The following LCOR variants were observed in gnomAD, a reference collection of about 807,000 sequenced individuals.
LCOR encodes the protein ligand-dependent corepressor.
A neutral mutation model predicts 64.4 loss-of-function variants in LCOR; 14 were observed. The observed-to-expected ratio is 0.22, with a 90% CI of 0.14 to 0.34. The LOEUF is 0.34. LCOR is among the 10% of genes least tolerant of loss of function. The pLI is 1.00. For synonymous variants in LCOR, 643 were observed against 642.5 expected, an observed-to-expected ratio of 1.00 and a Z score of -0.01; for missense variants, 1,686 against 1,765.3, an observed-to-expected ratio of 0.96 and a Z score of 0.80.
At chr10:96,840,540 A>G (rs899596445) in intron 2 of LCOR, among the ~76,000 whole-genome samples, 3 of 152,204 alleles carry the variant, frequency 2.0e-5, no homozygotes, top group African/African-American at 4.8e-5. Flanking sequence ...TAACGTTTCA[A>G]ATTTGGTATT....
At chr10:96,897,880 T>A (rs1248655725) in intron 2 of LCOR, among the ~76,000 whole-genome samples, 3 of 151,428 alleles carry the variant, frequency 2.0e-5, no homozygotes, top group African/African-American at 7.3e-5. Context: ...TTTTTTTTTT[T>A]TTTTTTGTTT....
intron 7 of LCOR, among the ~76,000 whole-genome samples, chr10:96,964,609 G>C (rs1229953877): frequency 3.9e-5 from 6 of 152,024 alleles, no homozygotes; most frequent in Non-Finnish European, 5.9e-5. Flanking sequence ...GCTGCTGTGA[G>C]ATTCTGCTTT....
chr10:96,880,256 C>CT (rs1846240284), intron 2 of LCOR, among the ~76,000 whole-genome samples: 1 of 152,170 alleles, frequency 6.6e-6, no homozygotes, highest in African/African-American at 2.4e-5. Flanking sequence ...AATAATGTAA[C>CT]TTTGCAAAGT....
intron 7 of LCOR, chr10:96,956,877 T>A: frequency 1.0e-6 from 1 of 984,050 alleles, no homozygotes; most frequent in Non-Finnish European, 1.2e-6. Flanking sequence ...GCAACTAGAC[T>A]AAGATATTCA....
chr10:96,985,058 C>T lies in LCOR; in HGVS notation c.4598C>T (p.Ala1533Val), dbSNP rs1848136800. The T allele has an allele frequency of 3.1e-6, 5 of 1,614,008 alleles. No individual in the cohort carries two copies. The highest frequency in any genetic ancestry group is 4.2e-6 in the Non-Finnish European group (5 of 1,180,024). Reference protein sequence around the residue: ...RPSTKTPESSAAQRKRKLKAK... With the variant: ...RPSTKTPESSVAQRKRKLKAK... ...TCAACGAAAACCCCAGAGAGCAGTGCAGCTCAGAGAAAGCGAAAGCTGAAG... is the reference window on the plus strand; with the variant it reads ...TCAACGAAAACCCCAGAGAGCAGTGTAGCTCAGAGAAAGCGAAAGCTGAAG... Residue 1533 changes from alanine to valine, a missense_variant, in exon 8 of 8, where the codon GCA becomes GTA. This residue lies in a region of LCOR where 1,293 missense variants were observed against 1,410.4 expected (regional missense o/e 0.92). Coordinates refer to ENST00000421806, the MANE Select transcript of LCOR (RefSeq NM_001346516.2).
At chr10:96,965,844 A>G (rs1021902216) in intron 7 of LCOR, among the ~76,000 whole-genome samples, 1 of 152,054 alleles carries the variant, frequency 6.6e-6, no homozygotes, top group Non-Finnish European at 1.5e-5. Flanking sequence ...TTTTGCTGTA[A>G]GTTCCAAAGC....
chr10:96,886,702 G>C (rs1322874399), intron 2 of LCOR, among the ~76,000 whole-genome samples: 1 of 152,112 alleles, frequency 6.6e-6, no homozygotes, highest in African/African-American at 2.4e-5. Context: ...GATTTTACTG[G>C]ATTGTTTGTC....
chr10:96,836,407 G>C (rs1845442300), intron 2 of LCOR, among the ~76,000 whole-genome samples: 1 of 152,060 alleles, frequency 6.6e-6, no homozygotes, highest in African/African-American at 2.4e-5. Context: ...CAGAGTACCT[G>C]CCTGATCATT....
chr10:96,963,365 T>G (rs978502839), intron 7 of LCOR: 24 of 152,238 alleles, frequency 1.6e-4, no homozygotes, highest in African/African-American at 5.8e-4. Context: ...TGTTAACAGA[T>G]GCAGTTCCTT....
At chr10:96,906,760 G>T (rs1846736266) in intron 2 of LCOR, among the ~76,000 whole-genome samples, 1 of 152,176 alleles carries the variant, frequency 6.6e-6, no homozygotes, top group Non-Finnish European at 1.5e-5. Flanking sequence ...TAAAAGTCTT[G>T]TACCTTCTTT....
At chr10:96,956,436 TAAG>T (rs1384852207) in intron 7 of LCOR, 35 of 985,012 alleles carry the variant, frequency 3.6e-5, no homozygotes, top group Admixed American at 6.1e-5. Context: ...AAGAAAAAAC[TAAG>T]AAGAACAATG....
intron 2 of LCOR, among the ~76,000 whole-genome samples, chr10:96,845,720 G>C (rs554051322): frequency 4.6e-4 from 69 of 151,348 alleles, no homozygotes; most frequent in African/African-American, 1.4e-3. Flanking sequence ...ACCCGCCTCG[G>C]CCTCCCAAAG....
intron 2 of LCOR, among the ~76,000 whole-genome samples, chr10:96,873,086 T>C (rs895610353): frequency 6.6e-6 from 1 of 152,150 alleles, no homozygotes; most frequent in Non-Finnish European, 1.5e-5. Context: ...GATGGATGGT[T>C]GGAAGGATAG....
chr10:96,979,200 A>T (rs1848061906), intron 7 of LCOR, among the ~76,000 whole-genome samples: 1 of 152,212 alleles, frequency 6.6e-6, no homozygotes, highest in Non-Finnish European at 1.5e-5. Context: ...TAGCCAGAAG[A>T]TATTATCAAA....
At chr10:96,945,760 T>C (rs1259804823) in intron 5 of LCOR, among the ~76,000 whole-genome samples, 4 of 152,048 alleles carry the variant, frequency 2.6e-5, no homozygotes, top group Non-Finnish European at 5.9e-5. Context: ...GAGGACTTCC[T>C]CTCCCTAATT....
intron 4 of LCOR, among the ~76,000 whole-genome samples, chr10:96,920,782 ACACACACACG>A (rs1456073350): frequency 5.5e-4 from 63 of 113,732 alleles, no homozygotes; most frequent in East Asian, 2.7e-3. Context: ...ACACACACAC[ACACACACACG>A]CGCGGTGGGG....
At chr10:96,959,004 C>A (rs1230779476) in intron 7 of LCOR, 1 of 147,836 alleles carries the variant, frequency 6.8e-6, no homozygotes, top group Non-Finnish European at 1.5e-5. Context: ...TTGTAATATT[C>A]AGGTGCACTT....
At chr10:96,950,286 A>G (rs990115723) in intron 6 of LCOR, among the ~76,000 whole-genome samples, 9 of 152,124 alleles carry the variant, frequency 5.9e-5, no homozygotes, top group Non-Finnish European at 8.8e-5. Flanking sequence ...CTTTGCTTTT[A>G]TCCTTTTCCT....
Position 96,837,056 on chromosome 10 carries a change from A to G in LCOR, c.-330+3577A>G, listed in dbSNP as rs148069614. Reference sequence around the variant, plus strand: ...GCCTAGGCTGGAGTGCAGTGGCACCATTTCAGCTCACTGCAAGTTCCGCCT... The same window carrying G: ...GCCTAGGCTGGAGTGCAGTGGCACCGTTTCAGCTCACTGCAAGTTCCGCCT... On this transcript the variant is annotated intron_variant, in intron 2 of 7. Transcript: ENST00000421806. Among the ~76,000 whole-genome samples the G allele has an allele frequency of 9.1e-3, 1,361 of 149,580 alleles. 26 individuals are homozygous for G. The highest frequency in any genetic ancestry group is 0.032 in the African/African-American group (1,286 of 40,350).
Sources: allele counts gnomAD v4.1 joint callset (sites outside exome capture counted in the v4.1 genomes callset), GRCh38; gene constraint gnomAD v4.1.1; regional missense constraint gnomAD v4.1.1; transcripts MANE v1.5; gene names NCBI Gene and HGNC (gene_info 2026-07-23, HGNC 2026-07-21).